Variants in SPTA1 observed in about 807,000 individuals in gnomAD.
SPTA1 encodes spectrin alpha, erythrocytic 1.
SPTA1 carries 177 observed loss-of-function variants against 324.7 expected under a neutral mutation model. That is an observed-to-expected ratio of 0.55 (90% confidence interval 0.48 to 0.62). The LOEUF is 0.62. Ranked by LOEUF, SPTA1 falls within the 20% of genes least tolerant of loss-of-function variation. The pLI, the probability that SPTA1 is intolerant of heterozygous loss-of-function variation, is 0.00. For synonymous variants in SPTA1, 1,195 were observed against 1,041.3 expected, an observed-to-expected ratio of 1.15 and a Z score of -2.84; for missense variants, 3,162 against 2,883.6, an observed-to-expected ratio of 1.10 and a Z score of -2.21.
chr1:158,681,591 C>T lies in SPTA1; in HGVS notation c.467G>A (p.Arg156Gln), dbSNP rs764818739. Reference sequence around the variant, plus strand: ...TACATACTGCTGGAACTTCAGGGCCCGCAGCAACTGGTCACCCTTCTCCAG... The same window carrying T: ...TACATACTGCTGGAACTTCAGGGCCTGCAGCAACTGGTCACCCTTCTCCAG... ...LTLEKGDQLL[R>Q]ALKFQQYVQE... The change falls in exon 4 of 52, where the codon CGG (arginine) becomes CAG (glutamine). Residue 156 changes from arginine to glutamine, a missense_variant. Coordinates refer to ENST00000643759, the MANE Select transcript of SPTA1 (RefSeq NM_003126.4). The T allele has an allele frequency of 1.1e-5, 18 of 1,613,670 alleles. No homozygotes were observed. The highest frequency in any genetic ancestry group is 4.5e-5 in the East Asian group (2 of 44,870).
At chr1:158,636,605 A>G in intron 37 of SPTA1, 36 bp downstream of exon 37, 1 of 1,612,018 alleles carries the variant, frequency 6.2e-7, no homozygotes. Flanking sequence ...CTATAGGATG[A>G]TTTCTATATT....
intron 47 of SPTA1, 28 bp from the exon 48 acceptor site, chr1:158,615,431 A>G (rs955885432): frequency 1.5e-5 from 24 of 1,612,650 alleles, no homozygotes; most frequent in Non-Finnish European, 2.0e-5. Flanking sequence ...AAGAGAGACA[A>G]TTAGTTGCCC....
chr1:158,685,279 C>T lies in SPTA1; in HGVS notation c.93G>A (p.Val31=). 1 of 1,613,916 alleles carries T rather than the reference C, an allele frequency of 6.2e-7. No individual in the cohort carries two copies. Among genetic ancestry groups the T allele is most frequent in the Non-Finnish European group, 8.5e-7 (1 of 1,179,856 alleles). The change falls in exon 2 of 52, where the codon GTG becomes GTA. Residue 31 remains valine (V), a synonymous_variant. Transcript: ENST00000643759. ...CCTTGAAACTTTGATACCGAGTCAACACTTCCTGACGCCTCTCCTGGATCT... is the reference window on the plus strand; with the variant it reads ...CCTTGAAACTTTGATACCGAGTCAATACTTCCTGACGCCTCTCCTGGATCT... ...AEEIQERRQE[V]LTRYQSFKER...
At chr1:158,662,583 T>G in intron 17 of SPTA1, 119 bp downstream of exon 17, 1 of 1,371,992 alleles carries the variant, frequency 7.3e-7, no homozygotes, top group Non-Finnish European at 1.0e-6. Context: ...TTTTCATGAG[T>G]GTGAGAAGAA....
At chr1:158,659,286 G>A (rs1175088982) in intron 18 of SPTA1, among the ~76,000 whole-genome samples, 1 of 151,946 alleles carries the variant, frequency 6.6e-6, no homozygotes, top group East Asian at 1.9e-4. Flanking sequence ...TTTGAAATTA[G>A]ACTATGATAG....
At position 158,635,858 on chromosome 1, in the gene SPTA1, C is replaced by A. The variant is rs928254986; in HGVS notation, c.5432+55G>T. 2.3e-5 allele frequency: 37 copies of A among 1,613,656 alleles called. No individual in the cohort carries two copies. The Admixed American group carries it at 6.0e-4, about 26-fold the overall frequency. On this transcript the variant is annotated intron_variant, in intron 38 of 51. Coordinates refer to ENST00000643759, the MANE Select transcript of SPTA1 (RefSeq NM_003126.4). ...CAGGCACTTAAGTATCCTCCCAACA[C>A]CTGCCCAATATCCAAAATCCAGGAA...
At chr1:158,674,205 ATAT>A in intron 10 of SPTA1, 121 bp downstream of exon 10, 1 of 1,036,550 alleles carries the variant, frequency 9.6e-7, no homozygotes. Context: ...AGTTTGATTC[ATAT>A]TATTAACACG....
In SPTA1 at chr1:158,662,763, G is replaced by A. The variant is rs1344291436; in HGVS notation, c.2403C>T (p.Asp801=). ...GGATCCAGGCCTCCTCATCCTCTGTGTCTCTACAAATCAGCTGCAGATGGA... is the reference window on the plus strand; with the variant it reads ...GGATCCAGGCCTCCTCATCCTCTGTATCTCTACAAATCAGCTGCAGATGGA... ...DLLHLQLICR[D]TEDEEAWIQE... is the part of the protein sequence containing the mutation. The change falls in exon 17 of 52, where the codon GAC becomes GAT. Residue 801 remains aspartate, a synonymous_variant. Coordinates refer to ENST00000643759, the MANE Select transcript of SPTA1 (RefSeq NM_003126.4). The A allele has an allele frequency of 1.9e-6, 3 of 1,614,050 alleles. No individual in the cohort carries two copies. Among genetic ancestry groups the A allele is most frequent in the Non-Finnish European group, 2.5e-6 (3 of 1,179,988 alleles).
At chr1:158,673,442 A>G (rs1193150858) in intron 10 of SPTA1, among the ~76,000 whole-genome samples, 1 of 152,182 alleles carries the variant, frequency 6.6e-6, no homozygotes, top group African/African-American at 2.4e-5. Flanking sequence ...GTGAAGCCCT[A>G]TGATGTAGGA....
At chr1:158,613,125 TCC>T (rs1015345614) in intron 50 of SPTA1, among the ~76,000 whole-genome samples, 164 bp from the exon 51 acceptor site, 1 of 152,082 alleles carries the variant, frequency 6.6e-6, no homozygotes, top group Admixed American at 6.5e-5. Context: ...CCATTTTGGC[TCC>T]CCTTCATCAC....
At chr1:158,682,346 C>G (rs1164322987) in intron 3 of SPTA1, among the ~76,000 whole-genome samples, 1 of 152,156 alleles carries the variant, frequency 6.6e-6, no homozygotes, top group East Asian at 1.9e-4. Context: ...CGCAATGGTA[C>G]CATTTGCTAT....
chr1:158,632,418 T>G (rs918669098), intron 39 of SPTA1, among the ~76,000 whole-genome samples: 1 of 152,192 alleles, frequency 6.6e-6, no homozygotes. Flanking sequence ...TATAAATGTA[T>G]TAAGAGAGTA....
At position 158,644,703 on chromosome 1, in the gene SPTA1, A is replaced by G. The variant is rs561211594; in HGVS notation, c.4195-307T>C. On this transcript the variant is annotated intron_variant, in intron 29 of 51. Transcript: ENST00000643759. ...ACGTTATCCTTCAGGGTAGCCTGTG[A>G]CACAACCACTTACTTCCCCCAAAAG... 5.3e-5 allele frequency among the ~76,000 whole-genome samples: 8 copies of G among 152,258 alleles called. No individual in the cohort carries two copies. The South Asian group carries it at 1.5e-3, about 28-fold the overall frequency.
At chr1:158,648,693 T>C (rs184594953) in intron 25 of SPTA1, 40 bp from the exon 26 acceptor site, 4 of 1,610,102 alleles carry the variant, frequency 2.5e-6, no homozygotes, top group Non-Finnish European at 3.4e-6. Flanking sequence ...AGTAAGGATA[T>C]GTACCAGAGG....
chr1:158,677,891 C>T (rs560580745), intron 6 of SPTA1, 57 bp from the exon 7 acceptor site: 32 of 1,608,834 alleles, frequency 2.0e-5, no homozygotes, highest in South Asian at 3.3e-5. Context: ...ACAGGGCAAA[C>T]GGTCCAACAG....
chr1:158,637,431 T>C (rs1320353503), intron 36 of SPTA1, among the ~76,000 whole-genome samples: 1 of 152,174 alleles, frequency 6.6e-6, no homozygotes, highest in Non-Finnish European at 1.5e-5. Context: ...GTAGGCAAAA[T>C]AGTGTAATGT....
At chr1:158,677,594 C>A (rs1654471796) in intron 7 of SPTA1, 96 bp downstream of exon 7, 4 of 1,458,380 alleles carry the variant, frequency 2.7e-6, no homozygotes, top group Non-Finnish European at 9.5e-7. Context: ...AAACAGTGAA[C>A]TTATTGTGCT....
At chr1:158,649,734 A>G (rs1362487992) in intron 25 of SPTA1, 122 bp downstream of exon 25, 16 of 805,296 alleles carry the variant, frequency 2.0e-5, no homozygotes, top group Non-Finnish European at 3.1e-5. Flanking sequence ...CTAATTTTCT[A>G]TTGGCACATT....
At chr1:158,656,939 C>T (rs1652869173) in intron 19 of SPTA1, among the ~76,000 whole-genome samples, 1 of 152,120 alleles carries the variant, frequency 6.6e-6, no homozygotes, top group Non-Finnish European at 1.5e-5. Flanking sequence ...GATACTGTTA[C>T]TTTATAGGAT....
Sources: gnomAD v4.1 joint callset for allele counts (sites outside exome capture counted in the v4.1 genomes callset) on GRCh38, gnomAD v4.1.1 for gene constraint, MANE v1.5 for transcripts, NCBI Gene and HGNC (gene_info 2026-07-23, HGNC 2026-07-21) for gene names.